Variants in SV2C observed in about 807,000 individuals in gnomAD.
SV2C encodes the protein solute carrier family 22 member B3.
In SV2C, 49 loss-of-function variants were observed where a neutral mutation model predicts 79.7. The observed-to-expected ratio is 0.61, with a 90% CI of 0.49 to 0.78. The LOEUF is 0.78. Ranked by LOEUF, SV2C falls within the 30% of genes least tolerant of loss-of-function variation. The pLI is 0.00. For missense variants in SV2C, 833 were observed against 912.9 expected (o/e 0.91, Z 1.13); for synonymous variants, 334 against 333.2 (o/e 1.00, Z -0.03).
chr5:76,135,352 CTTGT>C (rs1749031451), intron 2 of SV2C, among the ~76,000 whole-genome samples: 1 of 152,148 alleles, frequency 6.6e-6, no homozygotes, highest in Non-Finnish European at 1.5e-5. Flanking sequence ...TGGAAGTCAT[CTTGT>C]TTAAGACAAC....
chr5:76,114,419 C>T (rs1748195890), intron 1 of SV2C, among the ~76,000 whole-genome samples: 1 of 152,150 alleles, frequency 6.6e-6, no homozygotes, highest in Non-Finnish European at 1.5e-5. Context: ...CATTTCTAGC[C>T]AGTAAAGGGA....
chr5:76,140,647 A>G (rs1441233507), intron 2 of SV2C, among the ~76,000 whole-genome samples: 1 of 152,124 alleles, frequency 6.6e-6, no homozygotes, highest in Non-Finnish European at 1.5e-5. Context: ...AGACCAGCAT[A>G]TCCAAGCTGA....
At chr5:75,875,818 A>T in the SV2C span, among the ~76,000 whole-genome samples, 17 of 142,884 alleles carry the variant, frequency 1.2e-4, no homozygotes, top group East Asian at 1.5e-3. Context: ...AAGCATATAT[A>T]AAAAAAAGCT....
At chr5:76,111,612 G>A (rs1748100310) in intron 1 of SV2C, among the ~76,000 whole-genome samples, 1 of 152,100 alleles carries the variant, frequency 6.6e-6, no homozygotes, top group Non-Finnish European at 1.5e-5. Context: ...GACCGTACTG[G>A]CCGTGGCAGA....
intron 12 of SV2C, among the ~76,000 whole-genome samples, chr5:76,350,457 G>A (rs1350616579): frequency 6.6e-6 from 1 of 152,208 alleles, no homozygotes; most frequent in East Asian, 1.9e-4. Flanking sequence ...GAGTGCAGCA[G>A]CCAGGTTCTG....
At chr5:76,001,349 C>T in the SV2C span, among the ~76,000 whole-genome samples, 1 of 152,056 alleles carries the variant, frequency 6.6e-6, no homozygotes, top group East Asian at 1.9e-4. Context: ...GCCTGTAATC[C>T]CAGCACTTTG....
At chr5:76,004,190 A>C in the SV2C span, among the ~76,000 whole-genome samples, 7 of 152,210 alleles carry the variant, frequency 4.6e-5, no homozygotes, top group Non-Finnish European at 8.8e-5. Context: ...AAAACCTCCA[A>C]GGATAATGGC....
At chr5:76,093,058 C>T (rs988445327) in intron 1 of SV2C, among the ~76,000 whole-genome samples, 1 of 152,070 alleles carries the variant, frequency 6.6e-6, no homozygotes, top group Non-Finnish European at 1.5e-5. Context: ...ATTTTTAAAC[C>T]TTTTTTATTA....
intron 8 of SV2C, among the ~76,000 whole-genome samples, chr5:76,294,812 G>A (rs1288835181): frequency 1.3e-5 from 2 of 152,118 alleles, no homozygotes; most frequent in Non-Finnish European, 2.9e-5. Context: ...GAGGTCAAGA[G>A]GCAGAAAGGG....
the SV2C span, among the ~76,000 whole-genome samples, chr5:76,030,295 T>TTTTC: frequency 7.3e-6 from 1 of 137,684 alleles, no homozygotes; most frequent in Non-Finnish European, 1.6e-5. Context: ...TTTTTTTTAT[T>TTTTC]TATTCCTGTA....
chr5:75,988,315 A>G, the SV2C span, among the ~76,000 whole-genome samples: 4 of 152,142 alleles, frequency 2.6e-5, no homozygotes, highest in East Asian at 3.9e-4. Context: ...CTGATGATCA[A>G]TGAGGCTTTA....
At chr5:76,105,924 C>T (rs1747895608) in intron 1 of SV2C, among the ~76,000 whole-genome samples, 1 of 152,144 alleles carries the variant, frequency 6.6e-6, no homozygotes, top group Admixed American at 6.5e-5. Context: ...CTTACACTAA[C>T]AGTCTTGGTG....
At chr5:76,177,280 T>A (rs2112292069) in intron 2 of SV2C, among the ~76,000 whole-genome samples, 1 of 150,756 alleles carries the variant, frequency 6.6e-6, no homozygotes, top group African/African-American at 2.4e-5. Context: ...GGTATCCCAG[T>A]GAATGAAATA....
the SV2C span, among the ~76,000 whole-genome samples, chr5:75,952,945 C>A: frequency 1.3e-5 from 2 of 151,984 alleles, no homozygotes; most frequent in Non-Finnish European, 2.9e-5. Context: ...TACTCAAGTG[C>A]TTCTAGATGT....
At chr5:76,269,315 C>G (rs1244487156) in intron 4 of SV2C, among the ~76,000 whole-genome samples, 3 of 152,152 alleles carry the variant, frequency 2.0e-5, no homozygotes, top group Non-Finnish European at 4.4e-5. Flanking sequence ...CCCTTAGTTA[C>G]GTTTGAATTC....
chr5:76,185,766 C>G (rs1181470457), intron 2 of SV2C, among the ~76,000 whole-genome samples: 3 of 152,250 alleles, frequency 2.0e-5, no homozygotes, highest in Non-Finnish European at 4.4e-5. Context: ...ATGAAGGTCT[C>G]TCACATGTCC....
intron 6 of SV2C, among the ~76,000 whole-genome samples, chr5:76,287,944 G>T (rs893038201): frequency 1.3e-5 from 2 of 152,172 alleles, no homozygotes. Context: ...AATCAGCTGG[G>T]TGTGATGGCA....
chr5:76,240,952 C>A (rs980845391), intron 4 of SV2C, among the ~76,000 whole-genome samples: 9 of 152,072 alleles, frequency 5.9e-5, no homozygotes, highest in African/African-American at 1.9e-4. Context: ...TCCCAGATCC[C>A]ACCCCATTTC....
chr5:76,319,055 C>A (rs1748731444), intron 12 of SV2C, among the ~76,000 whole-genome samples: 1 of 152,124 alleles, frequency 6.6e-6, no homozygotes, highest in Non-Finnish European at 1.5e-5. Context: ...AAACAGATAA[C>A]CCCAAGGGAG....
Sources: allele counts gnomAD v4.1 joint callset (sites outside exome capture counted in the v4.1 genomes callset), GRCh38; gene constraint gnomAD v4.1.1; transcripts MANE v1.5; gene names NCBI Gene and HGNC (gene_info 2026-07-23, HGNC 2026-07-21).